C4orf36: variants seen among roughly 807,000 people sequenced by gnomAD.
The protein encoded by C4orf36 is uncharacterized protein C4orf36.
Under a neutral mutation model 12.2 loss-of-function variants are expected in C4orf36, and 11 were observed. That is an observed-to-expected ratio of 0.90 (90% CI 0.57 to 1.49). The LOEUF (loss-of-function observed/expected upper bound fraction) is 1.49, where lower values mean the gene tolerates loss of function less well. Among genes scored for constraint, C4orf36 ranks in the 40% most tolerant of loss-of-function variants. The probability of loss-of-function intolerance (pLI) is 0.00; values close to 1 mark genes in which losing one functional copy is unlikely to be tolerated. For missense variants in C4orf36, 137 were observed against 133.9 expected, an observed-to-expected ratio of 1.02 and a Z score of -0.11; for synonymous variants, 54 against 51.3, an observed-to-expected ratio of 1.05 and a Z score of -0.22.
At chr4:86,922,389 G>A in the C4orf36 span, among the ~76,000 whole-genome samples, 3 of 152,138 alleles carry the variant, frequency 2.0e-5, no homozygotes, top group Non-Finnish European at 4.4e-5. Context: ...GCCGTGAATG[G>A]AAAAACAAAA....
At chr4:86,889,781 G>A (rs528196582) in intron 2 of C4orf36, among the ~76,000 whole-genome samples, 2 of 152,282 alleles carry the variant, frequency 1.3e-5, no homozygotes, top group East Asian at 3.9e-4. Context: ...GCCGAATGTG[G>A]TGGCACAGGC....
chr4:86,905,236 A>G, the C4orf36 span, among the ~76,000 whole-genome samples: 1 of 149,580 alleles, frequency 6.7e-6, no homozygotes, highest in Admixed American at 6.7e-5. Flanking sequence ...AAAAAAAGGT[A>G]GCTAGGCATG....
chr4:86,901,877 A>G, the C4orf36 span, among the ~76,000 whole-genome samples: 6 of 152,276 alleles, frequency 3.9e-5, no homozygotes, highest in African/African-American at 1.4e-4. Flanking sequence ...CTCCCTATAC[A>G]TGCTATACAT....
chr4:86,914,390 C>CTT, the C4orf36 span: 3 of 557,372 alleles, frequency 5.4e-6, no homozygotes, highest in Admixed American at 3.5e-5. Flanking sequence ...TCTTCTTCTT[C>CTT]CTTTTTTTTT....
At chr4:86,910,943 C>T in the C4orf36 span, among the ~76,000 whole-genome samples, 2 of 151,608 alleles carry the variant, frequency 1.3e-5, no homozygotes, top group South Asian at 2.1e-4. Flanking sequence ...AATAGCTGAG[C>T]GTGGTGGCTT....
the C4orf36 span, chr4:86,913,751 G>A: frequency 6.6e-7 from 1 of 1,505,452 alleles, no homozygotes; most frequent in Middle Eastern, 2.3e-4. Flanking sequence ...CAGTGCCACT[G>A]CCACCTAACT....
chr4:86,905,705 A>T, the C4orf36 span, among the ~76,000 whole-genome samples: 1 of 145,726 alleles, frequency 6.9e-6, no homozygotes, highest in Non-Finnish European at 1.5e-5. Flanking sequence ...TAGGCTTCTG[A>T]GGTCCTTTTT....
intron 4 of C4orf36, 163 bp from the exon 5 acceptor site, chr4:86,876,606 G>A: frequency 6.2e-7 from 1 of 1,613,938 alleles, no homozygotes; most frequent in Non-Finnish European, 8.5e-7. Context: ...CAGAAGAACA[G>A]ACAGTTCTTC....
At chr4:86,907,007 T>C in the C4orf36 span, among the ~76,000 whole-genome samples, 1 of 151,576 alleles carries the variant, frequency 6.6e-6, no homozygotes, top group Non-Finnish European at 1.5e-5. Flanking sequence ...ACCACTGCAC[T>C]CCTGCCTTGG....
chr4:86,878,129 G>A (rs534396346), intron 4 of C4orf36, among the ~76,000 whole-genome samples: 2 of 151,492 alleles, frequency 1.3e-5, no homozygotes, highest in African/African-American at 4.9e-5. Context: ...AAAATTGGAA[G>A]ATCTTCCCCT....
the C4orf36 span, chr4:86,914,227 T>C: frequency 1.8e-5 from 28 of 1,598,386 alleles, 1 homozygote; most frequent in Admixed American, 2.3e-4. Context: ...ATCACCAGGG[T>C]TGGCTTACAG....
chr4:86,932,059 G>A, the C4orf36 span, among the ~76,000 whole-genome samples: 72 of 15,992 alleles, frequency 4.5e-3, 1 homozygote, highest in Middle Eastern at 0.083. Flanking sequence ...AAAAAAAAAA[G>A]ATTTATTCCG....
At chr4:86,894,391 T>G (rs1432319626), upstream of C4orf36, among the ~76,000 whole-genome samples, 2 of 152,124 alleles carry the variant, frequency 1.3e-5, no homozygotes, top group Non-Finnish European at 2.9e-5. Flanking sequence ...GTCTAAAAAA[T>G]TTGAAAGGCA....
the C4orf36 span, chr4:86,913,394 G>A: frequency 1.3e-6 from 1 of 769,516 alleles, no homozygotes; most frequent in Non-Finnish European, 2.3e-6. Flanking sequence ...ATGCTATTCG[G>A]GTGCAGCATC....
At chr4:86,880,753 A>G (rs1000785209) in intron 4 of C4orf36, among the ~76,000 whole-genome samples, 8 of 152,184 alleles carry the variant, frequency 5.3e-5, no homozygotes, top group African/African-American at 1.4e-4. Flanking sequence ...GATAAAATGT[A>G]GAATTAGGCC....
chr4:86,883,617 C>T (rs1015611354), intron 4 of C4orf36, among the ~76,000 whole-genome samples: 2 of 152,142 alleles, frequency 1.3e-5, no homozygotes, highest in Non-Finnish European at 2.9e-5. Flanking sequence ...GGTAACTTAT[C>T]CCAGCTCACA....
intron 2 of C4orf36, among the ~76,000 whole-genome samples, 163 bp downstream of exon 2, chr4:86,891,293 C>CA (rs34250498): frequency 0.019 from 2,212 of 118,890 alleles, 74 homozygotes; most frequent in African/African-American, 0.063. Context: ...AAGCAGTTGC[C>CA]AAAAAAAAAA....
At chr4:86,917,401 GAGAA>G in the C4orf36 span, among the ~76,000 whole-genome samples, 2 of 137,846 alleles carry the variant, frequency 1.5e-5, no homozygotes, top group Admixed American at 1.6e-4. Flanking sequence ...AGGAAGGAGA[GAGAA>G]AGAGAGGAAG....
chr4:86,888,455 T>G (rs1747267675), intron 2 of C4orf36, among the ~76,000 whole-genome samples, 180 bp from the exon 3 acceptor site: 1 of 152,204 alleles, frequency 6.6e-6, no homozygotes, highest in African/African-American at 2.4e-5. Flanking sequence ...AGATTTATAT[T>G]AACTAATATA....
Sources: allele counts gnomAD v4.1 joint callset (sites outside exome capture counted in the v4.1 genomes callset), GRCh38; gene constraint gnomAD v4.1.1; transcripts MANE v1.5; gene names NCBI Gene and HGNC (gene_info 2026-07-23, HGNC 2026-07-21).